CKAP2L: variants seen among roughly 807,000 people sequenced by gnomAD.
CKAP2L encodes cytoskeleton associated protein 2L.
In CKAP2L, 42 loss-of-function variants were observed where a neutral mutation model predicts 65.7. That is an observed-to-expected ratio of 0.64 (90% CI 0.50 to 0.83). The LOEUF is 0.83. Ranked by LOEUF, CKAP2L falls within the 40% of genes least tolerant of loss-of-function variation. The probability of loss-of-function intolerance (pLI) is 0.00; values close to 1 mark genes in which losing one functional copy is unlikely to be tolerated. For missense variants in CKAP2L, 908 were observed against 871.0 expected, an observed-to-expected ratio of 1.04 and a Z score of -0.53; for synonymous variants, 325 against 313.5, an observed-to-expected ratio of 1.04 and a Z score of -0.39.
intron 3 of CKAP2L, among the ~76,000 whole-genome samples, chr2:112,758,721 A>G (rs1680619494): frequency 6.6e-6 from 1 of 152,210 alleles, no homozygotes; most frequent in Non-Finnish European, 1.5e-5. Context: ...TTTCTTATAT[A>G]TTAAAAACAA....
At chr2:112,757,879 C>A (rs72952126) in intron 3 of CKAP2L, among the ~76,000 whole-genome samples, 2,205 of 152,264 alleles carry the variant, frequency 0.014, 48 homozygotes, top group African/African-American at 0.05. Flanking sequence ...AAAATACATA[C>A]ATAATGAACT....
At chr2:112,743,231 C>G (rs1680080753) in intron 6 of CKAP2L, among the ~76,000 whole-genome samples, 1 of 151,990 alleles carries the variant, frequency 6.6e-6, no homozygotes, top group Admixed American at 6.6e-5. Flanking sequence ...CAAGCTCTGC[C>G]TCCTGGGTTC....
rs373739143 is a variant in CKAP2L, at chr2:112,756,575, C to A, written c.796G>T (p.Asp266Tyr). The change falls in exon 4 of 9, where the codon GAT (aspartate) becomes TAT (tyrosine). Residue 266 changes from aspartate (D) to tyrosine (Y), a missense_variant. Physicochemically the swap from Asp to Tyr is radical, Grantham distance 160. Transcript: ENST00000302450. ...VKSQQLSRGADLARPGVKPSR... is the reference protein window; with the variant it reads ...VKSQQLSRGAYLARPGVKPSR... ...GGTTTTACTCCTGGTCTTGCAAGATCTGCTCCTCTAGAGAGTTGCTGTGAT... is the reference window on the plus strand; with the variant it reads ...GGTTTTACTCCTGGTCTTGCAAGATATGCTCCTCTAGAGAGTTGCTGTGAT... 16 of 1,612,746 alleles carry A rather than the reference C, an allele frequency of 9.9e-6. No individual in the cohort carries two copies. Among genetic ancestry groups the A allele is most frequent in the Non-Finnish European group, 1.3e-5 (15 of 1,179,614 alleles).
chr2:112,746,148 T>C (rs1255723263), intron 6 of CKAP2L, among the ~76,000 whole-genome samples: 2 of 152,202 alleles, frequency 1.3e-5, no homozygotes, highest in African/African-American at 4.8e-5. Context: ...ATTATAAAAC[T>C]ATTTGATGCA....
chr2:112,761,622 CAG>C (rs976203629), intron 2 of CKAP2L, among the ~76,000 whole-genome samples: 2 of 146,930 alleles, frequency 1.4e-5, no homozygotes, highest in African/African-American at 5.0e-5. Context: ...GATTGGAAAA[CAG>C]AGGTGAATTT....
chr2:112,759,798 T>G (rs1247168381), intron 3 of CKAP2L, among the ~76,000 whole-genome samples: 2 of 152,198 alleles, frequency 1.3e-5, no homozygotes, highest in East Asian at 3.8e-4. Flanking sequence ...GAAATATGAC[T>G]GAAGTGATTT....
At chr2:112,741,063 A>T in intron 7 of CKAP2L, 56 bp from the exon 8 acceptor site, 6 of 1,150,890 alleles carry the variant, frequency 5.2e-6, no homozygotes, top group Non-Finnish European at 7.7e-6. Context: ...TACTTCAACT[A>T]GAAGTCAATA....
Position 112,738,660 on chromosome 2 carries a change from T to C in CKAP2L, c.*163A>G, listed in dbSNP as rs1323433459. 1 of 609,752 alleles carries C rather than the reference T, an allele frequency of 1.6e-6. No homozygotes were observed. Among genetic ancestry groups the C allele is most frequent in the Non-Finnish European group, 2.9e-6 (1 of 344,020 alleles). 37.8% of individuals were successfully genotyped at this position (609,752 alleles called of 1,614,324 possible). A position where few individuals can be genotyped will look rare whatever the true frequency, so the allele number is the denominator to read the frequency against. On this transcript the variant is annotated 3_prime_UTR_variant, in exon 9 of 9. Coordinates refer to ENST00000302450, the MANE Select transcript of CKAP2L (RefSeq NM_152515.5). ...AACACATAAAGCAAAGATTTTCCCA[T>C]GGGGAGAGAAAATTTGAGAGTAAGC...
chr2:112,758,378 G>C lies in CKAP2L; in HGVS notation c.157-1164C>G, dbSNP rs146825394. On this transcript the variant is annotated intron_variant, in intron 3 of 8. Transcript: ENST00000302450. Reference sequence around the variant, plus strand: ...TCCAGGGTAAGATATGGGAATGCTAGAGTTACCACTCTATTTTTGATTTGA... The same window carrying C: ...TCCAGGGTAAGATATGGGAATGCTACAGTTACCACTCTATTTTTGATTTGA... Among the ~76,000 whole-genome samples, 733 of 152,314 alleles carry C rather than the reference G, an allele frequency of 4.8e-3. 2 individuals carry two copies. The highest frequency in any genetic ancestry group is 7.7e-3 in the Non-Finnish European group (522 of 68,012).
intron 4 of CKAP2L, 71 bp downstream of exon 4, chr2:112,755,906 A>T: frequency 7.0e-7 from 1 of 1,423,790 alleles, no homozygotes; most frequent in Non-Finnish European, 9.5e-7. Context: ...CTATTTCCTG[A>T]CCTAGTCTTC....
chr2:112,745,855 C>T (rs1055256955), intron 6 of CKAP2L, among the ~76,000 whole-genome samples: 6 of 152,110 alleles, frequency 3.9e-5, no homozygotes, highest in African/African-American at 7.2e-5. Flanking sequence ...TAAATCTTCA[C>T]TCTGCATAGC....
chr2:112,764,448 CTT>C (rs1196710806), intron 1 of CKAP2L, 112 bp downstream of exon 1: 28 of 1,205,816 alleles, frequency 2.3e-5, no homozygotes, highest in Non-Finnish European at 3.4e-5. Flanking sequence ...CCAGGGGAAA[CTT>C]AGGCAGGCGA....
At chr2:112,742,473 C>A (rs1680041834) in intron 7 of CKAP2L, 5 of 717,874 alleles carry the variant, frequency 7.0e-6, no homozygotes, top group Non-Finnish European at 1.3e-5. Context: ...GTGGGACACT[C>A]CAGTCTAGGC....
chr2:112,742,808 A>C, intron 6 of CKAP2L, 39 bp from the exon 7 acceptor site: 1 of 1,468,042 alleles, frequency 6.8e-7, no homozygotes, highest in East Asian at 2.3e-5. Flanking sequence ...TCTTAAAAAC[A>C]TTCATGCAAA....
At chr2:112,743,030 A>G (rs2104862175) in intron 6 of CKAP2L, among the ~76,000 whole-genome samples, 1 of 152,332 alleles carries the variant, frequency 6.6e-6, no homozygotes, top group South Asian at 2.1e-4. Flanking sequence ...ATTTGTCTAC[A>G]TCAAATTCTA....
chr2:112,753,146 A>G (rs17042332), intron 4 of CKAP2L, among the ~76,000 whole-genome samples: 2,581 of 152,288 alleles, frequency 0.017, 78 homozygotes, highest in African/African-American at 0.059. Context: ...TCTTTAAATT[A>G]CAACTACATA....
intron 6 of CKAP2L, chr2:112,742,985 A>C (rs190915045): frequency 7.5e-6 from 4 of 535,620 alleles, no homozygotes; most frequent in African/African-American, 1.9e-5. Flanking sequence ...CACTCGACTT[A>C]ATGAACAGAT....
At chr2:112,743,580 G>A (rs1433767369) in intron 6 of CKAP2L, among the ~76,000 whole-genome samples, 2 of 152,126 alleles carry the variant, frequency 1.3e-5, no homozygotes, top group East Asian at 3.9e-4. Flanking sequence ...TGGGATTACA[G>A]GCATGCGCCA....
In CKAP2L at chr2:112,746,331, A is replaced by G; in HGVS notation, c.1758+89T>C. 2.7e-6 allele frequency: 3 copies of G among 1,130,090 alleles called. No individual in the cohort carries two copies. In the South Asian group the frequency reaches 5.8e-5, roughly 22 times the overall value. 70.0% of individuals were successfully genotyped at this position (1,130,090 alleles called of 1,614,324 possible). A position where few individuals can be genotyped will look rare whatever the true frequency, so the allele number is the denominator to read the frequency against. On this transcript the variant is annotated intron_variant, in intron 6 of 8. Transcript: ENST00000302450. The stretch of plus-strand genomic sequence containing the variant: ...TATAAGTGTTGGATATTGATGTTGC[A>G]AACTTCTAACCATCATATTACAAAC...
Sources: allele counts gnomAD v4.1 joint callset (sites outside exome capture counted in the v4.1 genomes callset), GRCh38; gene constraint gnomAD v4.1.1; transcripts MANE v1.5; gene names NCBI Gene and HGNC (gene_info 2026-07-23, HGNC 2026-07-21).